The following C6orf136 variants were observed in gnomAD, a reference collection of about 807,000 sequenced individuals.
C6orf136 encodes the protein uncharacterized protein C6orf136.
Under a neutral mutation model 44.0 loss-of-function variants are expected in C6orf136, and 29 were observed. That is an observed-to-expected ratio of 0.66 (90% confidence interval 0.49 to 0.90). C6orf136 has a LOEUF of 0.90. Ranked by LOEUF, C6orf136 falls within the 40% of genes least tolerant of loss-of-function variation. C6orf136 has a pLI of 0.00. For missense variants in C6orf136, 628 were observed against 669.3 expected, an observed-to-expected ratio of 0.94 and a Z score of 0.68; for synonymous variants, 293 against 278.6, an observed-to-expected ratio of 1.05 and a Z score of -0.52.
At position 30,653,193 on chromosome 6, in the gene C6orf136, T is replaced by C. The variant is rs1767615677; in HGVS notation, c.*278T>C. ...ATTTTATTTAATAGGTATTAAATAA[T>C]GTATAGAAGGAAAAGGAGCTGGTGT... On this transcript the variant is annotated 3_prime_UTR_variant, in exon 6 of 6. Transcript: ENST00000651131. 1 of 1,577,854 alleles carries C rather than the reference T, an allele frequency of 6.3e-7. No homozygotes were observed. The highest frequency in any genetic ancestry group is 8.6e-7 in the Non-Finnish European group (1 of 1,167,348).
At position 30,649,856 on chromosome 6, in the gene C6orf136, C is replaced by A; in HGVS notation, c.914C>A (p.Pro305His). Reference protein sequence around the residue: ...PPCPYPGAWIPFQVPGTAHPS... With the variant: ...PPCPYPGAWIHFQVPGTAHPS... ...TGCCCCTATCCTGGGGCTTGGATAC[C>A]TTTCCAAGTCCCTGGAACTGCCCAC... The change falls in exon 2 of 6, where the codon CCT becomes CAT. Residue 305 changes from proline to histidine, a missense_variant. Transcript: ENST00000651131. 2 of 1,614,068 alleles carry A rather than the reference C, an allele frequency of 1.2e-6. No individual in the cohort carries two copies. Among genetic ancestry groups the A allele is most frequent in the Non-Finnish European group, 1.7e-6 (2 of 1,179,968 alleles).
At chr6:30,651,684 T>C (rs548021893) in intron 4 of C6orf136, among the ~76,000 whole-genome samples, 1 of 152,052 alleles carries the variant, frequency 6.6e-6, no homozygotes, top group African/African-American at 2.4e-5. Context: ...TTTGTATTTT[T>C]AGTAGACAGA....
chr6:30,647,922 G>C lies in C6orf136; in HGVS notation c.615+76G>C, dbSNP rs1767025259. On this transcript the variant is annotated intron_variant, in intron 1 of 5. Transcript: ENST00000651131. The surrounding 1 kb of genome is among the most constrained non-coding windows in gnomAD (Gnocchi z 4.8). ...GGTTCCTTGGGAGCGGAGGGACTCG[G>C]GTGAGGCCTAACTTTGGGTGACCTC... is the stretch of plus-strand genomic sequence containing the variant. 2 of 1,422,102 alleles carry C rather than the reference G, an allele frequency of 1.4e-6. No homozygotes were observed. Among genetic ancestry groups the C allele is most frequent in the Admixed American group, 2.9e-5 (1 of 34,362 alleles). 88.1% of individuals were successfully genotyped at this position (1,422,102 alleles called of 1,614,324 possible).
In C6orf136 at chr6:30,647,221, C is replaced by A; in HGVS notation, c.-11C>A. ...GGACTCAGGAGGCTCCTTCTCCACT[C>A]CCGGAAGATCATGTACCAGCCCAGC... On this transcript the variant is annotated 5_prime_UTR_variant, in exon 1 of 6. Transcript: ENST00000651131. This position sits in a 1 kb window ranked among gnomAD's most constrained non-coding sequence, Gnocchi z 4.8. The A allele has an allele frequency of 6.3e-7, 1 of 1,576,694 alleles. No homozygotes were observed. The highest frequency in any genetic ancestry group is 8.6e-7 in the Non-Finnish European group (1 of 1,166,640).
chr6:30,652,163 A>C (rs1371058784), intron 4 of C6orf136, among the ~76,000 whole-genome samples: 2 of 151,828 alleles, frequency 1.3e-5, no homozygotes, highest in Non-Finnish European at 2.9e-5. Context: ...GAATCACTTC[A>C]ACCTGGGAGG....
In C6orf136 at chr6:30,651,030, CTG is replaced by C; in HGVS notation, c.1056_1057del (p.Tyr353PhefsTer9). On this transcript the variant is annotated frameshift_variant, in exon 3 of 6. Transcript: ENST00000651131. LOFTEE classifies it high-confidence loss of function. ...CTTCCTTCAGTCCCACGACTACAGT[CTG>C]TATTCCTTGGATGTGGAATTCATCA... ...KLFLQSHDYS[L>X]YSLDVEFINE... The C allele has an allele frequency of 6.2e-7, 1 of 1,614,110 alleles. No homozygotes were observed. The highest frequency in any genetic ancestry group is 8.5e-7 in the Non-Finnish European group (1 of 1,179,960).
At chr6:30,648,895 C>G (rs1054736919) in intron 1 of C6orf136, among the ~76,000 whole-genome samples, 4 of 151,900 alleles carry the variant, frequency 2.6e-5, no homozygotes, top group African/African-American at 7.2e-5. Flanking sequence ...GTAATCCCAG[C>G]TACTCGGGAG....
chr6:30,647,313 G>A lies in C6orf136; in HGVS notation c.82G>A (p.Gly28Arg), dbSNP rs528191201. Residue 28 changes from glycine to arginine, a missense_variant, in exon 1 of 6, where the codon GGA (glycine) becomes AGA (arginine). By Grantham distance (125) the Gly-to-Arg change is moderately radical. Coordinates refer to ENST00000651131, the MANE Select transcript of C6orf136 (RefSeq NM_001161376.2). The surrounding 1 kb of genome is among the most constrained non-coding windows in gnomAD (Gnocchi z 4.8). Reference sequence around the variant, plus strand: ...CCAGGCTCGACCCCAGGTGAGCGGAGGAGAAGAGGGAGGGAGGAGAGGGGG... The same window carrying A: ...CCAGGCTCGACCCCAGGTGAGCGGAAGAGAAGAGGGAGGGAGGAGAGGGGG... ...AYQARPQVSGGEEGGRRGGGE... is the reference protein window; with the variant it reads ...AYQARPQVSGREEGGRRGGGE... 1.9e-6 allele frequency: 3 copies of A among 1,592,858 alleles called. No homozygotes were observed. Among genetic ancestry groups the A allele is most frequent in the South Asian group, 1.1e-5 (1 of 89,404 alleles).
chr6:30,651,923 T>C (rs939251001), intron 4 of C6orf136, among the ~76,000 whole-genome samples: 3 of 152,118 alleles, frequency 2.0e-5, no homozygotes, highest in Non-Finnish European at 4.4e-5. Flanking sequence ...AGTTTCTTCC[T>C]ATACAGTGCC....
chr6:30,650,246 C>G (rs1309645597), intron 2 of C6orf136, among the ~76,000 whole-genome samples: 3 of 150,338 alleles, frequency 2.0e-5, no homozygotes, highest in Non-Finnish European at 3.0e-5. Flanking sequence ...ACACAAAAAT[C>G]AGCCAGGCAT....
Position 30,647,168 on chromosome 6 carries a change from GCTCACCC to G in C6orf136, c.-61_-55del. On this transcript the variant is annotated 5_prime_UTR_variant, in exon 1 of 6. Coordinates refer to ENST00000651131, the MANE Select transcript of C6orf136 (RefSeq NM_001161376.2). This position sits in a 1 kb window ranked among gnomAD's most constrained non-coding sequence, Gnocchi z 4.8. ...CTTCACGAAGCCGGCTCTGGGGCGCGCTCACCCCTGTGAGGAGGCCGGAGGTCGGACT... is the reference window on the plus strand; with the variant it reads ...CTTCACGAAGCCGGCTCTGGGGCGCGCTGTGAGGAGGCCGGAGGTCGGACT... The G allele has an allele frequency of 7.1e-7, 1 of 1,404,802 alleles. No homozygotes were observed. Among genetic ancestry groups the G allele is most frequent in the Non-Finnish European group, 9.4e-7 (1 of 1,069,394 alleles). 87.0% of individuals were successfully genotyped at this position (1,404,802 alleles called of 1,614,324 possible).
intron 4 of C6orf136, 126 bp from the exon 5 acceptor site, chr6:30,652,522 G>A: frequency 1.2e-6 from 1 of 832,558 alleles, no homozygotes; most frequent in Non-Finnish European, 2.1e-6. Flanking sequence ...GCACTGAGAT[G>A]TTTGTAAGTT....
At position 30,647,853 on chromosome 6, in the gene C6orf136, G is replaced by C; in HGVS notation, c.615+7G>C. On this transcript the variant is annotated splice_region_variant and intron_variant, in intron 1 of 5. Coordinates refer to ENST00000651131, the MANE Select transcript of C6orf136 (RefSeq NM_001161376.2). The surrounding 1 kb of genome is among the most constrained non-coding windows in gnomAD (Gnocchi z 4.8). ...GACACCATCGGGGACCGAGGTACCC[G>C]AGCGGTCCGCCCGCCTTCCCTGCAG... The C allele has an allele frequency of 1.4e-6, 2 of 1,474,126 alleles. No homozygotes were observed. Among genetic ancestry groups the C allele is most frequent in the South Asian group, 1.3e-5 (1 of 75,558 alleles). The allele number at this position is 1,474,126 out of a possible 1,614,324, so 91.3% of individuals were successfully genotyped here. A position where few individuals can be genotyped will look rare whatever the true frequency, so the allele number is the denominator to read the frequency against.
intron 1 of C6orf136, among the ~76,000 whole-genome samples, 177 bp downstream of exon 1, chr6:30,648,023 C>T (rs1262344198): frequency 6.6e-6 from 1 of 152,204 alleles, no homozygotes; most frequent in Non-Finnish European, 1.5e-5. Context: ...TTGTGTCTGT[C>T]ATTAGAGGGG....
rs1767352301 is a variant in C6orf136 at position 30,650,999 on chromosome 6, C to T, written c.1023C>T (p.Pro341=). Residue 341 remains proline (P), a synonymous_variant, in exon 3 of 6, where the codon CCC becomes CCT. Coordinates refer to ENST00000651131, the MANE Select transcript of C6orf136 (RefSeq NM_001161376.2). ...VMYERLRQEL[P]KLFLQSHDYS... is the part of the protein sequence containing the mutation. ...TGCCATCTTCTTCCACCTAGCTTCC[C>T]AAGCTCTTCCTTCAGTCCCACGACT... The T allele has an allele frequency of 6.2e-7, 1 of 1,612,788 alleles. No individual in the cohort carries two copies. Among genetic ancestry groups the T allele is most frequent in the Non-Finnish European group, 8.5e-7 (1 of 1,178,842 alleles).
chr6:30,647,821 C>T lies in C6orf136; in HGVS notation c.590C>T (p.Ala197Val). ...QDGHAPSRDG[A>V]SRTPSGTEDQ... ...GGCCACGCCCCCAGCAGAGACGGCG[C>T]CTCTAGGACACCATCGGGGACCGAG... Residue 197 changes from alanine to valine, a missense_variant, in exon 1 of 6, where the codon GCC becomes GTC. By Grantham distance (64) the Ala-to-Val change is moderately conservative. Transcript: ENST00000651131. This position sits in a 1 kb window ranked among gnomAD's most constrained non-coding sequence, Gnocchi z 4.8. 2 of 1,515,506 alleles carry T rather than the reference C, an allele frequency of 1.3e-6. No homozygotes were observed. The highest frequency in any genetic ancestry group is 1.2e-5 in the South Asian group (1 of 81,356). 93.9% of individuals were successfully genotyped at this position (1,515,506 alleles called of 1,614,324 possible).
Position 30,649,855 on chromosome 6 carries a change from C to T in C6orf136, c.913C>T (p.Pro305Ser). Reference sequence around the variant, plus strand: ...CTGCCCCTATCCTGGGGCTTGGATACCTTTCCAAGTCCCTGGAACTGCCCA... The same window carrying T: ...CTGCCCCTATCCTGGGGCTTGGATATCTTTCCAAGTCCCTGGAACTGCCCA... ...PPCPYPGAWI[P>S]FQVPGTAHPS... The change falls in exon 2 of 6, where the codon CCT becomes TCT. Residue 305 changes from proline (P) to serine (S), a missense_variant. Pro to Ser is a moderately conservative substitution (Grantham distance 74, BLOSUM62 -1). This residue lies in a region of C6orf136 where 497 missense variants were observed against 469.2 expected (regional missense o/e 1.06). Transcript: ENST00000651131. 1 of 1,614,028 alleles carries T rather than the reference C, an allele frequency of 6.2e-7. No homozygotes were observed. The highest frequency in any genetic ancestry group is 8.5e-7 in the Non-Finnish European group (1 of 1,179,952).
intron 1 of C6orf136, 103 bp from the exon 2 acceptor site, chr6:30,649,455 T>C (rs1582906532): frequency 1.0e-6 from 1 of 1,003,870 alleles, no homozygotes; most frequent in East Asian, 2.7e-5. Context: ...CCATCCATTC[T>C]GTCAGGAGGA....
In C6orf136 at chr6:30,652,837, G is replaced by A. The variant is rs935497907; in HGVS notation, c.1413G>A (p.Lys471=). ...CACACTCACCTCCAACGCCTGTGAA[G>A]AAGCTGCTAGTGGGAGCCCTGGTGG... The part of the protein sequence containing the change: ...MPSHSPPTPV[K]KLLVGALVAL... The change falls in exon 6 of 6, where the codon AAG becomes AAA. Residue 471 remains lysine (K), a synonymous_variant. Coordinates refer to ENST00000651131, the MANE Select transcript of C6orf136 (RefSeq NM_001161376.2). 2.5e-6 allele frequency: 4 copies of A among 1,612,988 alleles called. No homozygotes were observed. The African/African-American group carries it at 4.0e-5, about 16-fold the overall frequency.
Sources: allele counts gnomAD v4.1 joint callset (sites outside exome capture counted in the v4.1 genomes callset), GRCh38; gene constraint gnomAD v4.1.1; regional missense constraint gnomAD v4.1.1; non-coding constraint Gnocchi (gnomAD v3.1); transcripts MANE v1.5; gene names NCBI Gene and HGNC (gene_info 2026-07-23, HGNC 2026-07-21).